The following GCNT3 variants were observed in gnomAD, a reference collection of about 807,000 sequenced individuals.
GCNT3 encodes glucosaminyl (N-acetyl) transferase 3, mucin type.
For missense variants in GCNT3, 708 were observed against 530.3 expected (o/e 1.34, Z -3.29); for synonymous variants, 269 against 195.2 (o/e 1.38, Z -3.15).
chr15:59,621,245 T>A lies in GCNT3; in HGVS notation c.*1690T>A, dbSNP rs1890925175. 6.6e-6 allele frequency: 1 copy of A among 152,136 alleles called. No homozygotes were observed. Among genetic ancestry groups the A allele is most frequent in the African/African-American group, 2.4e-5 (1 of 41,418 alleles). The allele number at this position is 152,136 out of a possible 1,614,324, so 9.4% of individuals were successfully genotyped here. A position where few individuals can be genotyped will look rare whatever the true frequency, so the allele number is the denominator to read the frequency against. ...ATGGAAGGATCGCTATTAGTGATTCTGCAGATTACACATTTCCTTGCGGGG... is the reference window on the plus strand; with the variant it reads ...ATGGAAGGATCGCTATTAGTGATTCAGCAGATTACACATTTCCTTGCGGGG... On this transcript the variant is annotated 3_prime_UTR_variant, in exon 3 of 3. Transcript: ENST00000396065.
rs373439386 is a variant in GCNT3 at position 59,617,170 on chromosome 15, C to CTTTTTTTTTTTTTTTTTTTTT, written c.-61+292_-61+293insTTTTTTTTTTTTTTTTTTTTT. On this transcript the variant is annotated intron_variant, in intron 2 of 2. Transcript: ENST00000396065. ...TTTTTCTTTATTTTTCTTTTGTTTTCTTTCTTTCTTTTTTTTTTTTTAAAG... is the reference window on the plus strand; with the variant it reads ...TTTTTCTTTATTTTTCTTTTGTTTTCTTTTTTTTTTTTTTTTTTTTTTTTCTTTCTTTTTTTTTTTTTAAAG... Among the ~76,000 whole-genome samples, 91 of 82,268 alleles carry CTTTTTTTTTTTTTTTTTTTTT rather than the reference C, an allele frequency of 1.1e-3. 1 individual carries two copies. Among genetic ancestry groups the CTTTTTTTTTTTTTTTTTTTTT allele is most frequent in the East Asian group, 1.7e-3 (5 of 2,886 alleles). The allele number at this position is 82,268 out of a possible 152,430, so 54.0% of individuals were successfully genotyped here.
intron 1 of GCNT3, among the ~76,000 whole-genome samples, chr15:59,616,164 C>T (rs1266989059): frequency 1.3e-5 from 2 of 152,154 alleles, no homozygotes; most frequent in Non-Finnish European, 2.9e-5. Flanking sequence ...ATTTCTACAA[C>T]TTACAGATTA....
intron 1 of GCNT3, among the ~76,000 whole-genome samples, chr15:59,613,773 T>C (rs1752331102): frequency 6.6e-6 from 1 of 151,926 alleles, no homozygotes; most frequent in South Asian, 2.1e-4. Context: ...GGCTCACATT[T>C]TTAATCCCAG....
rs374389018 is a variant in GCNT3, at chr15:59,619,001, G to C, written c.763G>C (p.Glu255Gln). Residue 255 changes from glutamate (E) to glutamine (Q), a missense_variant, in exon 3 of 3, where the codon GAG becomes CAG. Coordinates refer to ENST00000396065, the MANE Select transcript of GCNT3 (RefSeq NM_004751.3). The part of the protein sequence containing the change: ...MLNGRNSMES[E>Q]VPPKHKETRW... The stretch of plus-strand genomic sequence containing the variant: ...GAATGGGAGGAATAGCATGGAGTCA[G>C]AGGTACCTCCTAAGCACAAAGAAAC... The C allele has an allele frequency of 1.9e-6, 3 of 1,614,104 alleles. No homozygotes were observed. The highest frequency in any genetic ancestry group is 2.2e-5 in the East Asian group (1 of 44,882).
In GCNT3 at chr15:59,621,997, C is replaced by G. The variant is rs1271681792; in HGVS notation, c.*2442C>G. 2.0e-5 allele frequency: 3 copies of G among 151,786 alleles called. No homozygotes were observed. The highest frequency in any genetic ancestry group is 4.8e-5 in the African/African-American group (2 of 41,316). 9.4% of individuals were successfully genotyped at this position (151,786 alleles called of 1,614,324 possible). ...CTGACAGTTATCACTGTGTCTGACA[C>G]AGTGAATTTTTTATTTATAAGGTAG... On this transcript the variant is annotated 3_prime_UTR_variant, in exon 3 of 3. Transcript: ENST00000396065.
chr15:59,617,830 C>G (rs915096357), intron 2 of GCNT3: 1 of 154,966 alleles, frequency 6.5e-6, no homozygotes, highest in Non-Finnish European at 1.4e-5. Context: ...ATTCCAGACC[C>G]CAGATAAGAG....
At position 59,619,084 on chromosome 15, in the gene GCNT3, G is replaced by T; in HGVS notation, c.846G>T (p.Lys282Asn). The stretch of plus-strand genomic sequence containing the variant: ...ACACATTACACCTAACCAACAAGAA[G>T]AAGGATCCTCCCCCTTATAATTTAA... ...VRDTLHLTNK[K>N]KDPPPYNLTM... The change falls in exon 3 of 3, where the codon AAG becomes AAT. Residue 282 changes from lysine (K) to asparagine (N), a missense_variant. Physicochemically the swap from Lys to Asn is moderately conservative, Grantham distance 94. Coordinates refer to ENST00000396065, the MANE Select transcript of GCNT3 (RefSeq NM_004751.3). The T allele has an allele frequency of 6.2e-7, 1 of 1,614,140 alleles. No homozygotes were observed. The highest frequency in any genetic ancestry group is 8.5e-7 in the Non-Finnish European group (1 of 1,179,994).
intron 2 of GCNT3, among the ~76,000 whole-genome samples, chr15:59,617,423 A>G (rs186160529): frequency 2.6e-5 from 4 of 152,106 alleles, no homozygotes; most frequent in Admixed American, 2.0e-4. Context: ...CTGTTTTCCT[A>G]TCTATAAAAG....
In GCNT3 at chr15:59,619,751, C is replaced by T. The variant is rs2082739036; in HGVS notation, c.*196C>T. The T allele has an allele frequency of 3.6e-6, 2 of 556,546 alleles. No individual in the cohort carries two copies. Among genetic ancestry groups the T allele is most frequent in the East Asian group, 6.2e-5 (2 of 32,426 alleles). 34.5% of individuals were successfully genotyped at this position (556,546 alleles called of 1,614,324 possible). On this transcript the variant is annotated 3_prime_UTR_variant, in exon 3 of 3. Coordinates refer to ENST00000396065, the MANE Select transcript of GCNT3 (RefSeq NM_004751.3). ...GCTGCCTGGGTGAATGCTGCTTGTT[C>T]TCTCACCCCTAACCCTAGTAGTTCC...
chr15:59,615,693 G>A (rs1161354767), intron 1 of GCNT3, among the ~76,000 whole-genome samples: 2 of 151,566 alleles, frequency 1.3e-5, no homozygotes, highest in African/African-American at 4.9e-5. Flanking sequence ...GATGAGCGTG[G>A]GCAACATAGC....
In GCNT3 at chr15:59,617,170, C is replaced by CTTTT. The variant is rs373439386; in HGVS notation, c.-61+292_-61+293insTTTT. 2.7e-3 allele frequency among the ~76,000 whole-genome samples: 226 copies of CTTTT among 82,314 alleles called. 10 individuals are homozygous for CTTTT. Among genetic ancestry groups the CTTTT allele is most frequent in the African/African-American group, 9.6e-3 (207 of 21,608 alleles). The allele number at this position is 82,314 out of a possible 152,430, so 54.0% of individuals were successfully genotyped here. A position where few individuals can be genotyped will look rare whatever the true frequency, so the allele number is the denominator to read the frequency against. ...TTTTTCTTTATTTTTCTTTTGTTTT[C>CTTTT]TTTCTTTCTTTTTTTTTTTTTAAAG... is the stretch of plus-strand genomic sequence containing the variant. On this transcript the variant is annotated intron_variant, in intron 2 of 2. Transcript: ENST00000396065.
chr15:59,615,375 T>C (rs1007715191), intron 1 of GCNT3, among the ~76,000 whole-genome samples: 1 of 152,272 alleles, frequency 6.6e-6, no homozygotes, highest in South Asian at 2.1e-4. Context: ...CCTCAGCATT[T>C]GTTGAGTGGT....
intron 1 of GCNT3, among the ~76,000 whole-genome samples, chr15:59,613,534 CAATAAATAAATAAATAAATA>C (rs199605633): frequency 1.3e-4 from 17 of 135,492 alleles, no homozygotes; most frequent in African/African-American, 2.5e-4. Flanking sequence ...TCCATCTCTA[CAATAAATAAATAAATAAATA>C]AATAAATAAA....
In GCNT3 at chr15:59,611,932, C is replaced by T. The variant is rs933331059; in HGVS notation, c.-300C>T. The T allele has an allele frequency of 3.3e-5, 5 of 152,162 alleles. No homozygotes were observed. Among genetic ancestry groups the T allele is most frequent in the African/African-American group, 1.2e-4 (5 of 41,416 alleles). 9.4% of individuals were successfully genotyped at this position (152,162 alleles called of 1,614,324 possible). A position where few individuals can be genotyped will look rare whatever the true frequency, so the allele number is the denominator to read the frequency against. ...GAAGGGAAACAGATGAAGAACATGA[C>T]CTCAAGGAGCTTCCTGTCAATGAGA... On this transcript the variant is annotated 5_prime_UTR_variant, in exon 1 of 3. Transcript: ENST00000396065.
At chr15:59,614,646 G>T (rs190392805) in intron 1 of GCNT3, among the ~76,000 whole-genome samples, 1 of 152,160 alleles carries the variant, frequency 6.6e-6, no homozygotes, top group Non-Finnish European at 1.5e-5. Flanking sequence ...GGTCACTCTC[G>T]TCACCATCTT....
chr15:59,618,326 T>C lies in GCNT3; in HGVS notation c.88T>C (p.Ser30Pro), dbSNP rs774150011. 4.3e-6 allele frequency: 7 copies of C among 1,613,586 alleles called. No individual in the cohort carries two copies. The highest frequency in any genetic ancestry group is 5.1e-6 in the Non-Finnish European group (6 of 1,179,800). ...MLLATVALKL[S>P]FRLKCDSDHL... ...GCTGGCCACTGTGGCTCTGAAACTT[T>C]CTTTCAGGTTGAAGTGTGACTCTGA... The change falls in exon 3 of 3, where the codon TCT becomes CCT. Residue 30 changes from serine to proline, a missense_variant. Transcript: ENST00000396065.
At chr15:59,613,294 A>G (rs1196931077) in intron 1 of GCNT3, among the ~76,000 whole-genome samples, 1 of 152,074 alleles carries the variant, frequency 6.6e-6, no homozygotes, top group Non-Finnish European at 1.5e-5. Flanking sequence ...CTTTATTACT[A>G]GGTACTTGAC....
At chr15:59,614,598 A>G (rs1685016669) in intron 1 of GCNT3, among the ~76,000 whole-genome samples, 1 of 152,118 alleles carries the variant, frequency 6.6e-6, no homozygotes, top group South Asian at 2.1e-4. Flanking sequence ...GTAAATTGTC[A>G]TGGCACTGGG....
intron 2 of GCNT3, among the ~76,000 whole-genome samples, 176 bp downstream of exon 2, chr15:59,617,057 G>A (rs1037650715): frequency 2.0e-5 from 3 of 149,926 alleles, no homozygotes; most frequent in Middle Eastern, 3.5e-3. Context: ...TATAATATCT[G>A]GTTTTCTTTA....
Sources: gnomAD v4.1 joint callset for allele counts (sites outside exome capture counted in the v4.1 genomes callset) on GRCh38, gnomAD v4.1.1 for gene constraint, MANE v1.5 for transcripts, NCBI Gene and HGNC (gene_info 2026-07-23, HGNC 2026-07-21) for gene names.